The following XRCC4 variants were observed in gnomAD, a reference collection of about 807,000 sequenced individuals.
XRCC4 encodes the protein DNA repair protein XRCC4.
Under a neutral mutation model 39.1 loss-of-function variants are expected in XRCC4, and 28 were observed. The ratio of observed to expected loss-of-function variants is 0.72; its 90% CI spans 0.53 to 0.98. The LOEUF (loss-of-function observed/expected upper bound fraction) is 0.98. XRCC4 is among the 50% of genes least tolerant of loss of function. The pLI is 0.00. For missense variants in XRCC4, 350 were observed against 376.4 expected, an observed-to-expected ratio of 0.93 and a Z score of 0.58; for synonymous variants, 123 against 126.4, an observed-to-expected ratio of 0.97 and a Z score of 0.18.
At chr5:83,205,322 A>G (rs1187743204) in intron 6 of XRCC4, among the ~76,000 whole-genome samples, 1 of 152,126 alleles carries the variant, frequency 6.6e-6, no homozygotes, top group Non-Finnish European at 1.5e-5. Flanking sequence ...AGAATGCTCT[A>G]AATTATACTG....
chr5:83,244,407 C>G (rs1378811222), intron 6 of XRCC4, among the ~76,000 whole-genome samples: 1 of 152,128 alleles, frequency 6.6e-6, no homozygotes, highest in Non-Finnish European at 1.5e-5. Flanking sequence ...AGGGGTGTCA[C>G]TTGAGTGCTT....
At chr5:83,110,241 A>G (rs1406790972) in intron 2 of XRCC4, among the ~76,000 whole-genome samples, 6 of 152,070 alleles carry the variant, frequency 3.9e-5, no homozygotes, top group African/African-American at 9.7e-5. Flanking sequence ...TAGAAGAAAC[A>G]TAATTTATAC....
chr5:83,262,076 G>T (rs764492287), intron 7 of XRCC4, among the ~76,000 whole-genome samples: 31 of 152,070 alleles, frequency 2.0e-4, no homozygotes, highest in Admixed American at 4.6e-4. Flanking sequence ...AGGAGAGAGA[G>T]ATATAAAAAT....
downstream of XRCC4, chr5:83,353,876 G>A (rs1757158410): frequency 6.6e-6 from 1 of 152,128 alleles, no homozygotes; most frequent in African/African-American, 2.4e-5. Context: ...CAAAAGAAAA[G>A]CATATTTTTC....
At chr5:83,106,427 AGTT>A (rs1489315374) in intron 2 of XRCC4, among the ~76,000 whole-genome samples, 3 of 152,106 alleles carry the variant, frequency 2.0e-5, no homozygotes, top group African/African-American at 4.8e-5. Flanking sequence ...CTGTATACTT[AGTT>A]GTTGTCAGAC....
At chr5:83,079,563 C>A (rs1744839349) in intron 1 of XRCC4, among the ~76,000 whole-genome samples, 1 of 152,116 alleles carries the variant, frequency 6.6e-6, no homozygotes, top group Non-Finnish European at 1.5e-5. Context: ...GGATCTTGCT[C>A]TGTTGCCCAG....
intron 1 of XRCC4, among the ~76,000 whole-genome samples, chr5:83,085,407 G>T (rs1745134861): frequency 6.6e-6 from 1 of 152,102 alleles, no homozygotes. Flanking sequence ...ATGAACAGCT[G>T]CTCAGGGAAA....
At chr5:83,213,583 C>T (rs1298480595) in intron 6 of XRCC4, among the ~76,000 whole-genome samples, 1 of 151,854 alleles carries the variant, frequency 6.6e-6, no homozygotes, top group Admixed American at 6.6e-5. Context: ...AAGATATTTC[C>T]ACAAAGAAAA....
intron 4 of XRCC4, 85 bp from the exon 5 acceptor site, chr5:83,203,467 T>G: frequency 8.4e-7 from 1 of 1,194,236 alleles, no homozygotes; most frequent in Non-Finnish European, 1.1e-6. Flanking sequence ...GTATTTTCCT[T>G]GAAATCTTCT....
chr5:83,131,765 T>C (rs1478421928), intron 3 of XRCC4, among the ~76,000 whole-genome samples: 1 of 152,118 alleles, frequency 6.6e-6, no homozygotes, highest in Non-Finnish European at 1.5e-5. Flanking sequence ...ATTTTGAGCC[T>C]ATGTGTGTCT....
chr5:83,368,883 G>T, the XRCC4 span, among the ~76,000 whole-genome samples: 1 of 152,128 alleles, frequency 6.6e-6, no homozygotes. Context: ...TAGAGACATA[G>T]AACTTGGTAG....
chr5:83,241,236 CTG>C (rs1236534088), intron 6 of XRCC4, among the ~76,000 whole-genome samples: 6 of 134,452 alleles, frequency 4.5e-5, no homozygotes, highest in African/African-American at 1.7e-4. Context: ...AAGTAAGACT[CTG>C]TCAAAAAAAA....
rs1746081125 is a variant in XRCC4, at chr5:83,104,084, C to T, written c.-10-826C>T. ...ATACAAAACTTAAAGAATGCAGAAA[C>T]ATTTATTGGCCTCAGGCTGTGATAA... On this transcript the variant is annotated intron_variant, in intron 1 of 7. Transcript: ENST00000396027. Among the ~76,000 whole-genome samples, 4 of 152,080 alleles carry T rather than the reference C, an allele frequency of 2.6e-5. No individual in the cohort carries two copies. The South Asian group carries it at 6.2e-4, about 24-fold the overall frequency.
intron 7 of XRCC4, chr5:83,259,164 G>GC (rs1455397264): frequency 1.9e-5 from 3 of 155,262 alleles, no homozygotes; most frequent in Admixed American, 6.5e-5. Flanking sequence ...TGATTACCCT[G>GC]CATCAGTCTG....
chr5:83,154,386 A>T (rs1342891543), intron 3 of XRCC4, among the ~76,000 whole-genome samples: 1 of 152,168 alleles, frequency 6.6e-6, no homozygotes, highest in Non-Finnish European at 1.5e-5. Flanking sequence ...TTCAAAGGAG[A>T]TGTTCATTAG....
rs983546069 is a variant in XRCC4, at chr5:83,106,105, T to C, written c.139+1047T>C. On this transcript the variant is annotated intron_variant, in intron 2 of 7. Coordinates refer to ENST00000396027, the MANE Select transcript of XRCC4 (RefSeq NM_003401.5). Reference sequence around the variant, plus strand: ...TATTTGCAGTACTTATTATGATATCTATTTAAGCTACACATTTATCTGTAA... The same window carrying C: ...TATTTGCAGTACTTATTATGATATCCATTTAAGCTACACATTTATCTGTAA... Among the ~76,000 whole-genome samples, 3 of 152,188 alleles carry C rather than the reference T, an allele frequency of 2.0e-5. No individual in the cohort carries two copies. The East Asian group carries it at 5.8e-4, about 29-fold the overall frequency.
intron 6 of XRCC4, among the ~76,000 whole-genome samples, chr5:83,226,610 C>G (rs1752300576): frequency 6.6e-6 from 1 of 152,130 alleles, no homozygotes; most frequent in Admixed American, 6.6e-5. Flanking sequence ...CCAGACCCTC[C>G]TCTCTAAAAG....
At chr5:83,231,144 A>G (rs1752481800) in intron 6 of XRCC4, among the ~76,000 whole-genome samples, 1 of 152,026 alleles carries the variant, frequency 6.6e-6, no homozygotes, top group Admixed American at 6.6e-5. Context: ...TCTTCTGTTT[A>G]TTATTATGAA....
Position 83,258,524 on chromosome 5 carries a change from T to C in XRCC4, c.746-6T>C. 1.9e-6 allele frequency: 3 copies of C among 1,605,266 alleles called. No homozygotes were observed. Among genetic ancestry groups the C allele is most frequent in the Non-Finnish European group, 2.5e-6 (3 of 1,177,608 alleles). ...TGGGTCACATTCTCATCTCATTTTA[T>C]TTCAGCTGCTGTAAGTAAAGATGAT... On this transcript the variant is annotated splice_polypyrimidine_tract_variant and splice_region_variant and intron_variant, in intron 6 of 7. Transcript: ENST00000396027.
Sources: allele counts gnomAD v4.1 joint callset (sites outside exome capture counted in the v4.1 genomes callset), GRCh38; gene constraint gnomAD v4.1.1; transcripts MANE v1.5; gene names NCBI Gene and HGNC (gene_info 2026-07-23, HGNC 2026-07-21).